Variants in CNST observed in about 807,000 individuals in gnomAD.
CNST encodes consortin.
Under a neutral mutation model 72.4 loss-of-function variants are expected in CNST, and 39 were observed. The observed-to-expected ratio is 0.54, with a 90% CI of 0.42 to 0.70. The LOEUF is 0.70. CNST is among the 30% of genes least tolerant of loss of function. CNST has a pLI of 0.00. For missense variants in CNST, 871 were observed against 868.5 expected, an observed-to-expected ratio of 1.00 and a Z score of -0.04; for synonymous variants, 332 against 320.1, an observed-to-expected ratio of 1.04 and a Z score of -0.40.
At position 246,647,869 on chromosome 1, in the gene CNST, A is replaced by G; in HGVS notation, c.1668A>G (p.Leu556=). ...DYLNSLLEGC[L]KDTEDSLSYE... The stretch of plus-strand genomic sequence containing the variant: ...TGAACAGCCTTTTAGAAGGATGTTT[A>G]AAAGATACTGAAGATTCCCTTTCCT... Residue 556 remains leucine, a synonymous_variant, in exon 9 of 11, where the codon TTA becomes TTG. Transcript: ENST00000366513. The G allele has an allele frequency of 6.2e-7, 1 of 1,614,160 alleles. No homozygotes were observed. Among genetic ancestry groups the G allele is most frequent in the Non-Finnish European group, 8.5e-7 (1 of 1,180,036 alleles).
chr1:246,567,502 G>C (rs935351301), intron 1 of CNST, among the ~76,000 whole-genome samples: 2 of 152,072 alleles, frequency 1.3e-5, no homozygotes, highest in East Asian at 3.8e-4. Context: ...CTTAGAATAC[G>C]TACAATCCTT....
At chr1:246,585,393 T>TC (rs1661068177) in intron 1 of CNST, among the ~76,000 whole-genome samples, 1 of 152,006 alleles carries the variant, frequency 6.6e-6, no homozygotes, top group Admixed American at 6.6e-5. Flanking sequence ...ACATCTGTAA[T>TC]CCCAGCACTT....
At chr1:246,650,251 G>A (rs1324359889) in intron 9 of CNST, among the ~76,000 whole-genome samples, 3 of 152,078 alleles carry the variant, frequency 2.0e-5, no homozygotes, top group Non-Finnish European at 4.4e-5. Flanking sequence ...GAAATTACAT[G>A]TGTTTAAAGT....
chr1:246,604,268 A>G (rs899090966), intron 2 of CNST, among the ~76,000 whole-genome samples: 1 of 152,184 alleles, frequency 6.6e-6, no homozygotes, highest in African/African-American at 2.4e-5. Flanking sequence ...AAAAGAAAAA[A>G]AAAAGGGGCT....
At chr1:246,634,111 G>C in intron 5 of CNST, 101 bp downstream of exon 5, 3 of 783,810 alleles carry the variant, frequency 3.8e-6, no homozygotes, top group Non-Finnish European at 6.5e-6. Context: ...TCAGAAAATA[G>C]ATGTTTCCAT....
intron 6 of CNST, 59 bp from the exon 7 acceptor site, chr1:246,641,690 G>A: frequency 1.1e-6 from 1 of 933,678 alleles, no homozygotes. Flanking sequence ...ACATTTGTTT[G>A]GAAGCATATT....
At chr1:246,578,598 G>A (rs1052011096) in intron 1 of CNST, among the ~76,000 whole-genome samples, 1 of 151,980 alleles carries the variant, frequency 6.6e-6, no homozygotes, top group Non-Finnish European at 1.5e-5. Flanking sequence ...TTGAACCCGG[G>A]AGGCGGAGGT....
chr1:246,652,268 G>A (rs1465843124), intron 9 of CNST, among the ~76,000 whole-genome samples: 2 of 152,044 alleles, frequency 1.3e-5, no homozygotes, highest in Non-Finnish European at 2.9e-5. Flanking sequence ...AGACTCAGAG[G>A]GAGCTCCTAG....
chr1:246,578,956 A>G (rs1660617889), intron 1 of CNST, among the ~76,000 whole-genome samples: 1 of 152,212 alleles, frequency 6.6e-6, no homozygotes, highest in East Asian at 1.9e-4. Flanking sequence ...TGCTAATAAT[A>G]ACTACCTAAT....
chr1:246,653,501 T>C (rs901827998), intron 9 of CNST, among the ~76,000 whole-genome samples: 2 of 152,230 alleles, frequency 1.3e-5, no homozygotes, highest in African/African-American at 4.8e-5. Flanking sequence ...CTCCTCACAA[T>C]AGAAGAAATG....
At chr1:246,642,279 CAT>C (rs1665768476) in intron 8 of CNST, among the ~76,000 whole-genome samples, 1 of 151,246 alleles carries the variant, frequency 6.6e-6, no homozygotes, top group Admixed American at 6.6e-5. Context: ...CTTATAAAAA[CAT>C]AAAATTCTTA....
At chr1:246,664,709 A>T (rs980316663) in intron 10 of CNST, among the ~76,000 whole-genome samples, 14 of 152,106 alleles carry the variant, frequency 9.2e-5, no homozygotes, top group Admixed American at 8.5e-4. Flanking sequence ...TACAGGCGTG[A>T]GCCACCACAC....
At chr1:246,590,499 G>A (rs1202184939) in intron 1 of CNST, among the ~76,000 whole-genome samples, 1 of 152,126 alleles carries the variant, frequency 6.6e-6, no homozygotes, top group Non-Finnish European at 1.5e-5. Context: ...AGGGCAGCAG[G>A]AGAAGTGGTG....
At chr1:246,648,703 C>T (rs1226658608) in intron 9 of CNST, among the ~76,000 whole-genome samples, 2 of 152,216 alleles carry the variant, frequency 1.3e-5, no homozygotes, top group East Asian at 3.8e-4. Context: ...CCAGTACAAT[C>T]CCACCAGGTA....
chr1:246,588,294 G>A (rs1661319729), intron 1 of CNST, among the ~76,000 whole-genome samples: 1 of 151,840 alleles, frequency 6.6e-6, no homozygotes, highest in Non-Finnish European at 1.5e-5. Context: ...GGGGTATTTG[G>A]AATATGGGGA....
intron 1 of CNST, among the ~76,000 whole-genome samples, chr1:246,583,164 G>T (rs1460209154): frequency 2.0e-5 from 3 of 152,142 alleles, no homozygotes; most frequent in Admixed American, 2.0e-4. Context: ...ATATTTGGTG[G>T]TTATGAGTGC....
At chr1:246,640,096 T>C (rs1665588461) in intron 6 of CNST, among the ~76,000 whole-genome samples, 1 of 152,344 alleles carries the variant, frequency 6.6e-6, no homozygotes, top group East Asian at 1.9e-4. Context: ...GGGAGAATCT[T>C]TCATTTATTA....
intron 9 of CNST, among the ~76,000 whole-genome samples, chr1:246,650,545 A>G (rs1034387530): frequency 2.0e-5 from 3 of 152,188 alleles, no homozygotes; most frequent in Non-Finnish European, 4.4e-5. Flanking sequence ...AATATTTTCT[A>G]ATACCTTAAC....
At chr1:246,616,151 A>T (rs1259288656) in intron 2 of CNST, among the ~76,000 whole-genome samples, 1 of 152,184 alleles carries the variant, frequency 6.6e-6, no homozygotes, top group Non-Finnish European at 1.5e-5. Context: ...AGAAAGCTTC[A>T]TTTATATTGA....
Sources: allele counts gnomAD v4.1 joint callset (sites outside exome capture counted in the v4.1 genomes callset), GRCh38; gene constraint gnomAD v4.1.1; transcripts MANE v1.5; gene names NCBI Gene and HGNC (gene_info 2026-07-23, HGNC 2026-07-21).